The following TBCEL variants were observed in gnomAD, a reference collection of about 807,000 sequenced individuals.
The protein encoded by TBCEL is tubulin-specific chaperone cofactor E-like protein.
A neutral mutation model predicts 44.2 loss-of-function variants in TBCEL; 15 were observed. That is an observed-to-expected ratio of 0.34 (90% confidence interval 0.23 to 0.52). The LOEUF (loss-of-function observed/expected upper bound fraction) is 0.52. Ranked by LOEUF, TBCEL falls within the 20% of genes least tolerant of loss-of-function variation. The probability of loss-of-function intolerance (pLI) is 0.95; values close to 1 mark genes in which losing one functional copy is unlikely to be tolerated. For missense variants in TBCEL, 319 were observed against 506.3 expected, an observed-to-expected ratio of 0.63 and a Z score of 3.55; for synonymous variants, 171 against 185.4, an observed-to-expected ratio of 0.92 and a Z score of 0.63.
intron 8 of TBCEL, among the ~76,000 whole-genome samples, chr11:121,082,110 A>G (rs1199173501): frequency 6.6e-6 from 1 of 152,226 alleles, no homozygotes; most frequent in Non-Finnish European, 1.5e-5. Context: ...TTTGTTTTCT[A>G]TTGCTGCTAT....
At chr11:121,064,498 G>T (rs953011578) in intron 8 of TBCEL, among the ~76,000 whole-genome samples, 16 of 152,126 alleles carry the variant, frequency 1.1e-4, no homozygotes, top group African/African-American at 3.9e-4. Context: ...AAAGATTCAT[G>T]CATTCAGACT....
At chr11:121,070,428 C>A (rs779195990) in intron 8 of TBCEL, among the ~76,000 whole-genome samples, 1 of 152,072 alleles carries the variant, frequency 6.6e-6, no homozygotes, top group Non-Finnish European at 1.5e-5. Flanking sequence ...GCACTGTTCA[C>A]GATAGCAAAG....
intron 1 of TBCEL, among the ~76,000 whole-genome samples, chr11:121,028,660 C>T (rs1316678174): frequency 6.6e-6 from 1 of 152,180 alleles, no homozygotes. Flanking sequence ...TAGATTTTAT[C>T]TGCTGTCATG....
intron 4 of TBCEL, among the ~76,000 whole-genome samples, chr11:121,052,673 C>A (rs1466965577): frequency 1.3e-5 from 2 of 151,740 alleles, no homozygotes; most frequent in African/African-American, 4.8e-5. Flanking sequence ...TTCATTTTTT[C>A]TGCTTATATT....
At chr11:121,061,413 A>G (rs556828327) in intron 8 of TBCEL, among the ~76,000 whole-genome samples, 2 of 152,146 alleles carry the variant, frequency 1.3e-5, no homozygotes, top group South Asian at 4.1e-4. Flanking sequence ...ACATGTACAT[A>G]CATACATACA....
chr11:121,038,671 C>A (rs996884983), intron 2 of TBCEL, among the ~76,000 whole-genome samples: 20 of 152,206 alleles, frequency 1.3e-4, no homozygotes, highest in African/African-American at 4.6e-4. Flanking sequence ...GATTTTCCTC[C>A]TATGGCTTTG....
At chr11:121,035,279 T>A (rs1789943222) in intron 1 of TBCEL, 1 of 152,090 alleles carries the variant, frequency 6.6e-6, no homozygotes, top group South Asian at 2.1e-4. Flanking sequence ...TACTACCCCT[T>A]CCTGTGAGTG....
intron 8 of TBCEL, among the ~76,000 whole-genome samples, chr11:121,072,548 A>G (rs971789689): frequency 6.6e-6 from 1 of 152,110 alleles, no homozygotes; most frequent in Non-Finnish European, 1.5e-5. Context: ...ACCAGCAGAA[A>G]TTTGATTTGT....
rs112888062 is a variant in TBCEL, at chr11:121,061,819, T to C, written c.956+1734T>C. Reference sequence around the variant, plus strand: ...AATGTGGAGGCCTAGGACATTACTGTACACTACTATAGACTTTATCAACAC... The same window carrying C: ...AATGTGGAGGCCTAGGACATTACTGCACACTACTATAGACTTTATCAACAC... On this transcript the variant is annotated intron_variant, in intron 8 of 8. Transcript: ENST00000683345. Among the ~76,000 whole-genome samples the C allele has an allele frequency of 5.7e-3, 869 of 152,232 alleles. 4 individuals carry two copies. The highest frequency in any genetic ancestry group is 9.2e-3 in the Admixed American group (140 of 15,282).
chr11:121,090,116 A>G lies in TBCEL; in HGVS notation c.*3020A>G, dbSNP rs1370290706. The G allele has an allele frequency of 6.6e-6, 1 of 152,228 alleles. No individual in the cohort carries two copies. The highest frequency in any genetic ancestry group is 1.5e-5 in the Non-Finnish European group (1 of 68,044). The allele number at this position is 152,228 out of a possible 1,614,324, so 9.4% of individuals were successfully genotyped here. On this transcript the variant is annotated 3_prime_UTR_variant, in exon 9 of 9. Transcript: ENST00000683345. ...CAGATAGTATAAGCCCCTAGTTATT[A>G]AGACTTCTCAGTTAATATTAAGGCC...
At chr11:121,031,127 T>C (rs1565490243) in intron 1 of TBCEL, among the ~76,000 whole-genome samples, 1 of 152,232 alleles carries the variant, frequency 6.6e-6, no homozygotes, top group South Asian at 2.1e-4. Flanking sequence ...TTTTGCAGTT[T>C]TAAGCAATGC....
rs185537154 is a variant in TBCEL at position 121,085,042 on chromosome 11, T to A, written c.957-1736T>A. 4.8e-3 allele frequency among the ~76,000 whole-genome samples: 720 copies of A among 150,434 alleles called. 2 individuals carry two copies. The highest frequency in any genetic ancestry group is 0.016 in the African/African-American group (646 of 41,088). Reference sequence around the variant, plus strand: ...ATATATATATAATTATAATAATAATTATTATTATTTTTCTAAGATGGAGTC... The same window carrying A: ...ATATATATATAATTATAATAATAATAATTATTATTTTTCTAAGATGGAGTC... On this transcript the variant is annotated intron_variant, in intron 8 of 8. Transcript: ENST00000683345.
chr11:121,035,804 T>C (rs1240741206), intron 1 of TBCEL: 1 of 152,186 alleles, frequency 6.6e-6, no homozygotes, highest in Non-Finnish European at 1.5e-5. Context: ...AATCTTGCTT[T>C]TTGGAAGGAT....
chr11:121,086,743 GT>G, intron 8 of TBCEL, 34 bp from the exon 9 acceptor site: 4 of 1,530,560 alleles, frequency 2.6e-6, no homozygotes, highest in Non-Finnish European at 3.6e-6. Flanking sequence ...TGTGCTAGTA[GT>G]TTAAGCTGAC....
intron 8 of TBCEL, among the ~76,000 whole-genome samples, chr11:121,069,523 G>A (rs568556562): frequency 4.4e-4 from 67 of 152,292 alleles, no homozygotes; most frequent in African/African-American, 1.5e-3. Flanking sequence ...GGGCACAGTG[G>A]CTCACTCCTG....
At chr11:121,070,357 A>G (rs966985662) in intron 8 of TBCEL, among the ~76,000 whole-genome samples, 1 of 152,208 alleles carries the variant, frequency 6.6e-6, no homozygotes, top group African/African-American at 2.4e-5. Context: ...TACTGGGTAT[A>G]TACCCAAAGG....
At chr11:121,050,328 G>A (rs1945507569) in intron 4 of TBCEL, among the ~76,000 whole-genome samples, 2 of 151,692 alleles carry the variant, frequency 1.3e-5, no homozygotes. Flanking sequence ...AGGGCAATGT[G>A]GAACCAGTTG....
rs1221682437 is a variant in TBCEL, at chr11:121,088,760, A to C, written c.*1664A>C. 6.6e-6 allele frequency: 1 copy of C among 152,132 alleles called. No homozygotes were observed. Among genetic ancestry groups the C allele is most frequent in the East Asian group, 1.9e-4 (1 of 5,186 alleles). 9.4% of individuals were successfully genotyped at this position (152,132 alleles called of 1,614,324 possible). A position where few individuals can be genotyped will look rare whatever the true frequency, so the allele number is the denominator to read the frequency against. On this transcript the variant is annotated 3_prime_UTR_variant, in exon 9 of 9. Coordinates refer to ENST00000683345, the MANE Select transcript of TBCEL (RefSeq NM_001363644.2). Reference sequence around the variant, plus strand: ...TTCCTGTGCCATGTGGCAGATGTTTATTCTCTTAATGCACTTCAGGTTTGC... The same window carrying C: ...TTCCTGTGCCATGTGGCAGATGTTTCTTCTCTTAATGCACTTCAGGTTTGC...
intron 8 of TBCEL, among the ~76,000 whole-genome samples, chr11:121,084,117 G>A (rs1421323328): frequency 1.3e-5 from 2 of 152,190 alleles, no homozygotes; most frequent in Non-Finnish European, 2.9e-5. Context: ...TTGTGACCTA[G>A]TCGCCTCTAA....
Sources: gnomAD v4.1 joint callset for allele counts (sites outside exome capture counted in the v4.1 genomes callset) on GRCh38, gnomAD v4.1.1 for gene constraint, MANE v1.5 for transcripts, NCBI Gene and HGNC (gene_info 2026-07-23, HGNC 2026-07-21) for gene names.